The following UNC13D variants were observed in gnomAD, a reference collection of about 807,000 sequenced individuals.
UNC13D encodes the protein protein unc-13 homolog D.
A neutral mutation model predicts 151.7 loss-of-function variants in UNC13D; 115 were observed. The ratio of observed to expected loss-of-function variants is 0.76; its 90% CI spans 0.65 to 0.88. The LOEUF (loss-of-function observed/expected upper bound fraction) is 0.88, where lower values mean the gene tolerates loss of function less well. UNC13D is among the 40% of genes least tolerant of loss of function. The pLI is 0.00. For synonymous variants in UNC13D, 588 were observed against 612.2 expected, an observed-to-expected ratio of 0.96 and a Z score of 0.58; for missense variants, 1,369 against 1,438.7, an observed-to-expected ratio of 0.95 and a Z score of 0.78.
chr17:75,839,099 CAA>C (rs201312544), intron 12 of UNC13D, among the ~76,000 whole-genome samples: 1 of 144,524 alleles, frequency 6.9e-6, no homozygotes. Flanking sequence ...GACTCTGTCT[CAA>C]AAAAAAAAAG....
chr17:75,832,953 G>A lies in UNC13D; in HGVS notation c.2447+13C>T. 6.4e-7 allele frequency: 1 copy of A among 1,574,016 alleles called. No individual in the cohort carries two copies. ...AGGTGGCGAGCGCGCCCAGGGCAGG[G>A]GCTGCTACAGACCTGCTGAAGTTCT... On this transcript the variant is annotated intron_variant, in intron 25 of 31. Coordinates refer to ENST00000207549, the MANE Select transcript of UNC13D (RefSeq NM_199242.3). This position sits in a 1 kb window ranked among gnomAD's most constrained non-coding sequence, Gnocchi z 4.3.
At chr17:75,842,834 T>TGGG (rs1432974086) in intron 5 of UNC13D, 23 bp downstream of exon 5, 1 of 1,613,474 alleles carries the variant, frequency 6.2e-7, no homozygotes, top group Admixed American at 1.7e-5. Context: ...AGAAGCCCCT[T>TGGG]GGGGACCCCA....
chr17:75,828,717 T>C, intron 31 of UNC13D, 70 bp downstream of exon 31: 1 of 1,417,358 alleles, frequency 7.1e-7, no homozygotes. Flanking sequence ...TGGCATCACC[T>C]CTCTGGGGCC....
At position 75,839,870 on chromosome 17, in the gene UNC13D, T is replaced by C. The variant is rs746551714; in HGVS notation, c.1024A>G (p.Lys342Glu). Residue 342 changes from lysine (K) to glutamate (E), a missense_variant, in exon 12 of 32, where the codon AAG becomes GAG. Physicochemically the swap from Lys to Glu is moderately conservative, Grantham distance 56. Transcript: ENST00000207549. ...ATVLFLHATQKDLSDFHQSMA... is the reference protein window; with the variant it reads ...ATVLFLHATQEDLSDFHQSMA... ...GACTGGTGGAAGTCGGATAGGTCCT[T>C]CTGTGTGGCGTGCAGAAAGAGGACG... 6.2e-7 allele frequency: 1 copy of C among 1,613,880 alleles called. No individual in the cohort carries two copies. The highest frequency in any genetic ancestry group is 2.2e-5 in the East Asian group (1 of 44,880).
intron 1 of UNC13D, 53 bp downstream of exon 1, chr17:75,844,168 G>C (rs1364426779): frequency 1.9e-6 from 3 of 1,597,798 alleles, no homozygotes; most frequent in East Asian, 4.5e-5. Flanking sequence ...ACCCGTACCC[G>C]AGACCACAGT....
intron 1 of UNC13D, 28 bp from the exon 2 acceptor site, chr17:75,843,547 C>T (rs199964122): frequency 7.6e-5 from 123 of 1,608,750 alleles, no homozygotes; most frequent in Non-Finnish European, 1.0e-5. Context: ...AAGGCAGTGT[C>T]CCGGGAGGCC....
At chr17:75,842,963 C>A (rs1268901789) in intron 4 of UNC13D, 40 bp from the exon 5 acceptor site, 1 of 1,613,112 alleles carries the variant, frequency 6.2e-7, no homozygotes, top group Non-Finnish European at 8.5e-7. Context: ...CCTGAGGGGG[C>A]TGGGCTTCCC....
rs745527375 is a variant in UNC13D, at chr17:75,843,498, A to G, written c.139T>C (p.Phe47Leu). 3.1e-6 allele frequency: 5 copies of G among 1,611,250 alleles called. No individual in the cohort carries two copies. Among genetic ancestry groups the G allele is most frequent in the East Asian group, 2.2e-5 (1 of 44,824 alleles). The change falls in exon 2 of 32, where the codon TTC becomes CTC. Residue 47 changes from phenylalanine to leucine, a missense_variant. Transcript: ENST00000207549. The stretch of plus-strand genomic sequence containing the variant: ...CTGACTCTTACCTGCTCGGGGGAGA[A>G]GTGGTGGGATGGAGGCTGGATCTGC... ...APEIQPPSHH[F>L]SPEQRALLYE... is the part of the protein sequence containing the mutation.
chr17:75,835,928 T>A (rs1567819086), intron 17 of UNC13D, 22 bp from the exon 18 acceptor site: 12 of 1,614,154 alleles, frequency 7.4e-6, no homozygotes, highest in Non-Finnish European at 1.0e-5. Flanking sequence ...GCAGCAGGTG[T>A]CACCCAGTGG....
chr17:75,834,850 C>T (rs999202571), intron 21 of UNC13D, 70 bp downstream of exon 21: 55 of 1,612,624 alleles, frequency 3.4e-5, no homozygotes, highest in Middle Eastern at 1.7e-4. Context: ...GGTGAGAGCA[C>T]GGGAGAAACG....
At chr17:75,842,689 C>CGGG in intron 5 of UNC13D, 76 bp from the exon 6 acceptor site, 1 of 1,605,370 alleles carries the variant, frequency 6.2e-7, no homozygotes, top group Non-Finnish European at 8.5e-7. Context: ...CACCCCCGCC[C>CGGG]GGGGCTGAGC....
Position 75,840,080 on chromosome 17 carries a change from T to A in UNC13D, c.889A>T (p.Ser297Cys), listed in dbSNP as rs1298438151. ...AGGAGGTGGAGGTGCACGGTGTAGC[T>A]CGGCTGCGAGCGGCTGGCCGAAGTG... is the stretch of plus-strand genomic sequence containing the variant. ...RATSASRSQP[S>C]YTVHLHLLQQ... The change falls in exon 11 of 32, where the codon AGC (serine) becomes TGC (cysteine). Residue 297 changes from serine (S) to cysteine (C), a missense_variant. By Grantham distance (112) the Ser-to-Cys change is moderately radical. Transcript: ENST00000207549. This position sits in a 1 kb window ranked among gnomAD's most constrained non-coding sequence, Gnocchi z 4.6. The A allele has an allele frequency of 3.1e-6, 5 of 1,613,198 alleles. No homozygotes were observed. The East Asian group carries it at 8.9e-5, about 29-fold the overall frequency.
chr17:75,835,294 CAA>C, intron 20 of UNC13D, 113 bp downstream of exon 20: 4 of 1,435,944 alleles, frequency 2.8e-6, no homozygotes, highest in Non-Finnish European at 3.8e-6. Context: ...CAAGTGCACC[CAA>C]AAGGGATGTT....
At chr17:75,843,134 G>T (rs761427728) in intron 3 of UNC13D, 25 bp downstream of exon 3, 2 of 1,609,502 alleles carry the variant, frequency 1.2e-6, no homozygotes, top group Non-Finnish European at 1.7e-6. Flanking sequence ...TGCAGGAAGG[G>T]GGGTGGGGTG....
At position 75,835,058 on chromosome 17, in the gene UNC13D, C is replaced by T; in HGVS notation, c.1854G>A (p.Val618=). Residue 618 remains valine (V), a synonymous_variant, in exon 21 of 32, where the codon GTG becomes GTA. Coordinates refer to ENST00000207549, the MANE Select transcript of UNC13D (RefSeq NM_199242.3). ...TGTGCTTGGTCAGTTCACCCAGGGG[C>T]ACCAGCTGGGGGAAGAAAGGAGGAC... ...VQRAVQMDEL[V]PLGELTKHST... The T allele has an allele frequency of 6.2e-7, 1 of 1,613,884 alleles. No individual in the cohort carries two copies. The highest frequency in any genetic ancestry group is 2.2e-5 in the East Asian group (1 of 44,886).
intron 20 of UNC13D, 70 bp from the exon 21 acceptor site, chr17:75,835,133 G>C (rs1386294732): frequency 3.8e-6 from 6 of 1,591,704 alleles, no homozygotes; most frequent in South Asian, 1.1e-5. Context: ...CATTCATAGA[G>C]CAGCTACCAT....
Position 75,828,001 on chromosome 17 carries a change from CT to C in UNC13D, c.3236del (p.Lys1079SerfsTer48), listed in dbSNP as rs763287992. ...VFVRLRRHRAKQASQHALRPA... is the reference protein window; with the variant it reads ...VFVRLRRHRAXQASQHALRPA... Reference sequence around the variant, plus strand: ...GCCGCAAGGCATGCTGGGAGGCCTGCTTGGCCCGGTGCCGCCGCAGCCTCAC... The same window carrying C: ...GCCGCAAGGCATGCTGGGAGGCCTGCTGGCCCGGTGCCGCCGCAGCCTCAC... On this transcript the variant is annotated frameshift_variant, in exon 32 of 32. Transcript: ENST00000207549. LOFTEE classifies it high-confidence loss of function. The C allele has an allele frequency of 5.0e-6, 8 of 1,601,298 alleles. No homozygotes were observed. In the African/African-American group the frequency reaches 1.1e-4, roughly 21 times the overall value.
At chr17:75,836,544 A>G (rs770078527) in intron 14 of UNC13D, 28 bp downstream of exon 14, 1 of 1,612,986 alleles carries the variant, frequency 6.2e-7, no homozygotes, top group African/African-American at 1.3e-5. Context: ...CCCTGACCCC[A>G]CCGAGGAAGA....
Position 75,827,549 on chromosome 17 carries a change from C to T in UNC13D, c.*416G>A. The T allele has an allele frequency of 6.5e-7, 1 of 1,534,706 alleles. No homozygotes were observed. Among genetic ancestry groups the T allele is most frequent in the Non-Finnish European group, 8.7e-7 (1 of 1,146,210 alleles). ...GGTCCCCTCTCCCTTTTCCAGGAGA[C>T]TCTGTGCCTGTAGCCCTGGTCCCAG... On this transcript the variant is annotated 3_prime_UTR_variant, in exon 32 of 32. Coordinates refer to ENST00000207549, the MANE Select transcript of UNC13D (RefSeq NM_199242.3).
Sources: allele counts gnomAD v4.1 joint callset (sites outside exome capture counted in the v4.1 genomes callset), GRCh38; gene constraint gnomAD v4.1.1; non-coding constraint Gnocchi (gnomAD v3.1); transcripts MANE v1.5; gene names NCBI Gene and HGNC (gene_info 2026-07-23, HGNC 2026-07-21).